TSHZ1: variants seen among roughly 807,000 people sequenced by gnomAD.
The protein encoded by TSHZ1 is teashirt zinc finger homeobox 1, also known as teashirt homolog 1.
A neutral mutation model predicts 67.1 loss-of-function variants in TSHZ1; 12 were observed. The observed-to-expected ratio is 0.18, with a 90% CI of 0.11 to 0.29. The LOEUF is 0.29. Ranked by LOEUF, TSHZ1 falls within the 10% of genes least tolerant of loss-of-function variation. The pLI, the probability that TSHZ1 is intolerant of heterozygous loss-of-function variation, is 1.00. For synonymous variants in TSHZ1, 632 were observed against 622.4 expected, an observed-to-expected ratio of 1.02 and a Z score of -0.23; for missense variants, 1,305 against 1,413.9, an observed-to-expected ratio of 0.92 and a Z score of 1.23.
intron 1 of TSHZ1, among the ~76,000 whole-genome samples, chr18:75,218,173 A>G (rs760506701): frequency 6.6e-6 from 1 of 152,238 alleles, no homozygotes; most frequent in Non-Finnish European, 1.5e-5. Flanking sequence ...ATATGTGCAT[A>G]GGAAGGGTAT....
chr18:75,233,938 A>C (rs2023032775), intron 1 of TSHZ1, among the ~76,000 whole-genome samples: 1 of 152,064 alleles, frequency 6.6e-6, no homozygotes, highest in South Asian at 2.1e-4. Flanking sequence ...TGCTTTTACA[A>C]ACCCTTTTGG....
intron 1 of TSHZ1, among the ~76,000 whole-genome samples, chr18:75,279,204 G>A (rs552557142): frequency 8.5e-5 from 13 of 152,252 alleles, no homozygotes; most frequent in Non-Finnish European, 1.6e-4. Context: ...AAGGGAGGCC[G>A]TCCTCCCAGC....
intron 1 of TSHZ1, among the ~76,000 whole-genome samples, chr18:75,218,737 G>A (rs930049870): frequency 2.6e-5 from 4 of 152,192 alleles, no homozygotes; most frequent in African/African-American, 7.2e-5. Context: ...CCTATAAAAA[G>A]TAAATGGTAA....
At chr18:75,235,996 A>G (rs2023064154) in intron 1 of TSHZ1, among the ~76,000 whole-genome samples, 1 of 152,196 alleles carries the variant, frequency 6.6e-6, no homozygotes, top group African/African-American at 2.4e-5. Context: ...ACCCACATTG[A>G]ACAAGCAAGC....
chr18:75,287,628 T>G lies in TSHZ1; in HGVS notation c.2221T>G (p.Ser741Ala), dbSNP rs746694676. Reference protein sequence around the residue: ...GIIMDHSPEPSFINPLSALQS... With the variant: ...GIIMDHSPEPAFINPLSALQS... The stretch of plus-strand genomic sequence containing the variant: ...CATCATGGACCACTCACCGGAGCCT[T>G]CCTTCATCAACCCGCTGAGCGCTTT... The change falls in exon 2 of 2, where the codon TCC becomes GCC. Residue 741 changes from serine (S) to alanine (A), a missense_variant. Physicochemically the swap from Ser to Ala is moderately conservative, Grantham distance 99 (BLOSUM62 1). Coordinates refer to ENST00000580243, the MANE Select transcript of TSHZ1 (RefSeq NM_001308210.2). The surrounding 1 kb of genome is among the most constrained non-coding windows in gnomAD (Gnocchi z 5.0). 1.1e-5 allele frequency: 17 copies of G among 1,613,990 alleles called. No individual in the cohort carries two copies. The highest frequency in any genetic ancestry group is 2.7e-5 in the African/African-American group (2 of 74,904).
At position 75,277,398 on chromosome 18, in the gene TSHZ1, G is replaced by A. The variant is rs117544106; in HGVS notation, c.41-8050G>A. Among the ~76,000 whole-genome samples the A allele has an allele frequency of 9.2e-3, 1,396 of 152,336 alleles. 15 individuals carry two copies. The highest frequency in any genetic ancestry group is 0.014 in the Non-Finnish European group (970 of 68,034). ...TGAGTCTGTGGGGTGTGAGGAGGAG[G>A]AGGAGGAGGAGCAGGCGTCCTCGTT... is the stretch of plus-strand genomic sequence containing the variant. On this transcript the variant is annotated intron_variant, in intron 1 of 1. Coordinates refer to ENST00000580243, the MANE Select transcript of TSHZ1 (RefSeq NM_001308210.2).
At chr18:75,234,442 A>G (rs1470100533) in intron 1 of TSHZ1, among the ~76,000 whole-genome samples, 1 of 152,116 alleles carries the variant, frequency 6.6e-6, no homozygotes, top group African/African-American at 2.4e-5. Flanking sequence ...AAGTTATAAT[A>G]TTTTGCAGCA....
intron 1 of TSHZ1, among the ~76,000 whole-genome samples, chr18:75,222,330 A>G (rs2022857253): frequency 6.6e-6 from 1 of 152,130 alleles, no homozygotes; most frequent in Non-Finnish European, 1.5e-5. Context: ...TCTCATACCT[A>G]GGTGGAGAGT....
intron 1 of TSHZ1, among the ~76,000 whole-genome samples, chr18:75,272,229 T>C (rs935997598): frequency 1.3e-5 from 2 of 152,210 alleles, no homozygotes; most frequent in Admixed American, 1.3e-4. Flanking sequence ...AGCACGCAGG[T>C]CTGAGAGATG....
At chr18:75,215,512 G>A (rs780985685) in intron 1 of TSHZ1, among the ~76,000 whole-genome samples, 1 of 152,196 alleles carries the variant, frequency 6.6e-6, no homozygotes, top group Admixed American at 6.5e-5. Flanking sequence ...ATTTTGTCAA[G>A]CTGTAGAAAT....
Position 75,288,300 on chromosome 18 carries a change from A to G in TSHZ1, c.2893A>G (p.Thr965Ala). 6.2e-7 allele frequency: 1 copy of G among 1,614,228 alleles called. No homozygotes were observed. The highest frequency in any genetic ancestry group is 8.5e-7 in the Non-Finnish European group (1 of 1,180,042). Residue 965 changes from threonine to alanine, a missense_variant, in exon 2 of 2, where the codon ACA becomes GCA. Transcript: ENST00000580243. The surrounding 1 kb of genome is among the most constrained non-coding windows in gnomAD (Gnocchi z 4.9). ...GGTKFLKNLD[T>A]GHPVFFCNDC... ...AACGAAATTCCTAAAGAACCTGGAC[A>G]CAGGGCATCCTGTTTTCTTTTGCAA...
At position 75,281,352 on chromosome 18, in the gene TSHZ1, T is replaced by A. The variant is rs968434818; in HGVS notation, c.41-4096T>A. Reference sequence around the variant, plus strand: ...CTGGAGATTCAGAAGGAGGAGAAAGTGTGCTGTTGTTTTGAGGAGGAGGGT... The same window carrying A: ...CTGGAGATTCAGAAGGAGGAGAAAGAGTGCTGTTGTTTTGAGGAGGAGGGT... On this transcript the variant is annotated intron_variant, in intron 1 of 1. Transcript: ENST00000580243. This position sits in a 1 kb window ranked among gnomAD's most constrained non-coding sequence, Gnocchi z 5.3. 1.3e-5 allele frequency among the ~76,000 whole-genome samples: 2 copies of A among 152,098 alleles called. No individual in the cohort carries two copies. Among genetic ancestry groups the A allele is most frequent in the Non-Finnish European group, 2.9e-5 (2 of 68,012 alleles).
rs568803492 is a variant in TSHZ1 at position 75,286,747 on chromosome 18, C to T, written c.1340C>T (p.Ser447Leu). The change falls in exon 2 of 2, where the codon TCG (serine) becomes TTG (leucine). Residue 447 changes from serine to leucine, a missense_variant. By Grantham distance (145) the Ser-to-Leu change is moderately radical. Around this residue, in one of 3 missense-constraint regions of TSHZ1, gnomAD observed 909 missense variants for 961.8 expected, o/e 0.95. Coordinates refer to ENST00000580243, the MANE Select transcript of TSHZ1 (RefSeq NM_001308210.2). The surrounding 1 kb of genome is among the most constrained non-coding windows in gnomAD (Gnocchi z 5.1). ...GGGCACTTCCTGAAAGTGACCACCTCGGCTTCTAAGAAGGGCAAGCAGTTG... is the reference window on the plus strand; with the variant it reads ...GGGCACTTCCTGAAAGTGACCACCTTGGCTTCTAAGAAGGGCAAGCAGTTG... ...VTGHFLKVTT[S>L]ASKKGKQLVL... 5.6e-6 allele frequency: 9 copies of T among 1,613,574 alleles called. No individual in the cohort carries two copies. Among genetic ancestry groups the T allele is most frequent in the East Asian group, 2.2e-5 (1 of 44,862 alleles).
At chr18:75,228,007 C>T (rs919322978) in intron 1 of TSHZ1, among the ~76,000 whole-genome samples, 7 of 152,198 alleles carry the variant, frequency 4.6e-5, no homozygotes, top group South Asian at 2.1e-4. Flanking sequence ...TTGTGGATAT[C>T]GGAGTTATGG....
intron 1 of TSHZ1, among the ~76,000 whole-genome samples, chr18:75,247,993 A>G (rs1394000692): frequency 6.6e-6 from 1 of 152,194 alleles, no homozygotes; most frequent in African/African-American, 2.4e-5. Flanking sequence ...CAGAAACCAC[A>G]GTAAGAAAGC....
intron 1 of TSHZ1, among the ~76,000 whole-genome samples, chr18:75,243,256 G>A (rs552797655): frequency 6.6e-6 from 1 of 152,346 alleles, no homozygotes; most frequent in African/African-American, 2.4e-5. Context: ...AAGTGGTGTA[G>A]CTCCGATGGT....
chr18:75,218,892 G>A (rs781774392), intron 1 of TSHZ1, among the ~76,000 whole-genome samples: 1 of 152,096 alleles, frequency 6.6e-6, no homozygotes, highest in Non-Finnish European at 1.5e-5. Context: ...TGGGAGGGCT[G>A]TTTCCTGGTC....
chr18:75,228,738 A>G (rs1449376951), intron 1 of TSHZ1, among the ~76,000 whole-genome samples: 1 of 152,242 alleles, frequency 6.6e-6, no homozygotes, highest in Non-Finnish European at 1.5e-5. Context: ...AGGATGGTGT[A>G]TCCAAAGTTG....
In TSHZ1 at chr18:75,287,200, G is replaced by A; in HGVS notation, c.1793G>A (p.Ser598Asn). 1.9e-6 allele frequency: 3 copies of A among 1,613,682 alleles called. No homozygotes were observed. Among genetic ancestry groups the A allele is most frequent in the Non-Finnish European group, 1.7e-6 (2 of 1,179,900 alleles). Residue 598 changes from serine (S) to asparagine (N), a missense_variant, in exon 2 of 2, where the codon AGC becomes AAC. Ser to Asn is a conservative substitution (Grantham distance 46). Around this residue, in one of 3 missense-constraint regions of TSHZ1, gnomAD observed 909 missense variants for 961.8 expected, o/e 0.95. Transcript: ENST00000580243. The surrounding 1 kb of genome is among the most constrained non-coding windows in gnomAD (Gnocchi z 5.0). ...TVKPLPAAVQ[S>N]VQVQPSYAGG... ...AAGCCACTGCCGGCGGCCGTGCAGAGCGTGCAGGTGCAGCCGTCCTATGCT... is the reference window on the plus strand; with the variant it reads ...AAGCCACTGCCGGCGGCCGTGCAGAACGTGCAGGTGCAGCCGTCCTATGCT...
Sources: allele counts gnomAD v4.1 joint callset (sites outside exome capture counted in the v4.1 genomes callset), GRCh38; gene constraint gnomAD v4.1.1; regional missense constraint gnomAD v4.1.1; non-coding constraint Gnocchi (gnomAD v3.1); transcripts MANE v1.5; gene names NCBI Gene and HGNC (gene_info 2026-07-23, HGNC 2026-07-21).